Variants in LAMA4 observed in about 807,000 individuals in gnomAD.
The protein encoded by LAMA4 is laminin subunit alpha-4.
In LAMA4, 127 loss-of-function variants were observed where a neutral mutation model predicts 207.1. The ratio of observed to expected loss-of-function variants is 0.61; its 90% CI spans 0.53 to 0.71. The LOEUF (loss-of-function observed/expected upper bound fraction) is 0.71, where lower values mean the gene tolerates loss of function less well. Among genes scored for constraint, LAMA4 ranks in the 30% least tolerant of loss-of-function variants. LAMA4 has a pLI of 0.00. For synonymous variants in LAMA4, 761 were observed against 816.0 expected, an observed-to-expected ratio of 0.93 and a Z score of 1.15; for missense variants, 2,093 against 2,246.5, an observed-to-expected ratio of 0.93 and a Z score of 1.38.
At chr6:112,242,161 T>C (rs1583996656) in intron 2 of LAMA4, among the ~76,000 whole-genome samples, 1 of 152,098 alleles carries the variant, frequency 6.6e-6, no homozygotes, top group Non-Finnish European at 1.5e-5. Flanking sequence ...TAGGTGGGAG[T>C]AAAAAAACCT....
At chr6:112,123,307 G>A (rs1778486676) in intron 31 of LAMA4, among the ~76,000 whole-genome samples, 1 of 152,192 alleles carries the variant, frequency 6.6e-6, no homozygotes, top group Non-Finnish European at 1.5e-5. Context: ...CAGACAAGAT[G>A]AGAGAGAGGA....
chr6:112,145,011 T>C (rs1554334207), intron 18 of LAMA4, 78 bp from the exon 19 acceptor site: 13 of 1,271,018 alleles, frequency 1.0e-5, no homozygotes, highest in Non-Finnish European at 2.2e-6. Context: ...ACAATAAACA[T>C]GGATTACATA....
intron 16 of LAMA4, among the ~76,000 whole-genome samples, chr6:112,154,290 A>G (rs1554336357): frequency 6.6e-6 from 1 of 151,428 alleles, no homozygotes; most frequent in Non-Finnish European, 1.5e-5. Flanking sequence ...TGGCCTTTGG[A>G]AATGCTTCTT....
intron 2 of LAMA4, among the ~76,000 whole-genome samples, chr6:112,224,820 A>G (rs1391808984): frequency 6.6e-6 from 1 of 150,952 alleles, no homozygotes; most frequent in Non-Finnish European, 1.5e-5. Flanking sequence ...TCTCAAAAAA[A>G]AAAAAAAAAA....
In LAMA4 at chr6:112,168,489, GT is replaced by G. The variant is rs1473346645; in HGVS notation, c.1552-3214del. Reference sequence around the variant, plus strand: ...GCCTCCCAAGTAGCTGGTATTACAGGTGCCCACCACCATGCCCAGCTAATTT... The same window carrying G: ...GCCTCCCAAGTAGCTGGTATTACAGGGCCCACCACCATGCCCAGCTAATTT... On this transcript the variant is annotated intron_variant, in intron 12 of 38. Coordinates refer to ENST00000230538, the MANE Select transcript of LAMA4 (RefSeq NM_001105206.3). 3.3e-5 allele frequency among the ~76,000 whole-genome samples: 5 copies of G among 151,854 alleles called. No homozygotes were observed. In the East Asian group the frequency reaches 9.9e-4, roughly 30 times the overall value.
chr6:112,212,096 G>T (rs1554356848), intron 3 of LAMA4, among the ~76,000 whole-genome samples: 2 of 152,122 alleles, frequency 1.3e-5, no homozygotes, highest in Non-Finnish European at 2.9e-5. Context: ...GGTCGATGGA[G>T]CATGGGGGAC....
intron 4 of LAMA4, among the ~76,000 whole-genome samples, chr6:112,202,220 T>C (rs781883512): frequency 6.6e-6 from 1 of 152,166 alleles, no homozygotes; most frequent in Non-Finnish European, 1.5e-5. Context: ...CAGCAAAACA[T>C]AGGACCCACC....
At chr6:112,186,445 A>T (rs1444975402) in intron 8 of LAMA4, among the ~76,000 whole-genome samples, 5 of 152,214 alleles carry the variant, frequency 3.3e-5, no homozygotes, top group Admixed American at 2.0e-4. Context: ...TTATTATTTT[A>T]AAAATATCCT....
rs1294072021 is a variant in LAMA4 at position 112,108,934 on chromosome 6, T to C, written c.*503A>G. 2 of 161,918 alleles carry C rather than the reference T, an allele frequency of 1.2e-5. No homozygotes were observed. The highest frequency in any genetic ancestry group is 3.5e-4 in the East Asian group (2 of 5,726). 10.0% of individuals were successfully genotyped at this position (161,918 alleles called of 1,614,324 possible). Reference sequence around the variant, plus strand: ...CAGCTATAAACCTAAAATATTCTTCTTATACTGATAGACCAAACAAAAGGG... The same window carrying C: ...CAGCTATAAACCTAAAATATTCTTCCTATACTGATAGACCAAACAAAAGGG... On this transcript the variant is annotated 3_prime_UTR_variant, in exon 39 of 39. Coordinates refer to ENST00000230538, the MANE Select transcript of LAMA4 (RefSeq NM_001105206.3).
intron 2 of LAMA4, among the ~76,000 whole-genome samples, chr6:112,244,618 GC>G (rs1307237972): frequency 6.6e-5 from 10 of 152,130 alleles, no homozygotes; most frequent in African/African-American, 2.4e-4. Flanking sequence ...GGCCTCCCAG[GC>G]TGAACTCCAA....
chr6:112,187,238 G>A, intron 8 of LAMA4: 1 of 675,718 alleles, frequency 1.5e-6, no homozygotes, highest in Non-Finnish European at 2.7e-6. Flanking sequence ...TTTGTAGACA[G>A]TAGTTCTTGT....
In LAMA4 at chr6:112,247,604, C is replaced by T. The variant is rs1208571818; in HGVS notation, c.195+6352G>A. On this transcript the variant is annotated intron_variant, in intron 2 of 38. Coordinates refer to ENST00000230538, the MANE Select transcript of LAMA4 (RefSeq NM_001105206.3). ...GAGGGATTCTTCCATTTCCTGTTAT[C>T]GAGGCCCACCACTCACAGGATGCGT... Among the ~76,000 whole-genome samples, 5 of 152,284 alleles carry T rather than the reference C, an allele frequency of 3.3e-5. 1 individual carries two copies. The highest frequency in any genetic ancestry group is 3.9e-4 in the East Asian group (2 of 5,186).
chr6:112,172,925 G>A, intron 11 of LAMA4, 121 bp from the exon 12 acceptor site: 1 of 748,868 alleles, frequency 1.3e-6, no homozygotes, highest in Non-Finnish European at 2.3e-6. Flanking sequence ...GGAGATTGAA[G>A]CTATTGTTCA....
intron 12 of LAMA4, among the ~76,000 whole-genome samples, chr6:112,167,258 C>T (rs781879411): frequency 3.3e-5 from 5 of 152,078 alleles, no homozygotes; most frequent in Non-Finnish European, 5.9e-5. Flanking sequence ...AAATTTGGGC[C>T]GGGTGTGGTG....
chr6:112,175,268 G>A, intron 11 of LAMA4, 45 bp downstream of exon 11: 1 of 1,594,858 alleles, frequency 6.3e-7, no homozygotes, highest in Non-Finnish European at 8.6e-7. Context: ...GACCCACAAA[G>A]AGGGCAAACA....
At chr6:112,202,395 C>T (rs543783863) in intron 4 of LAMA4, among the ~76,000 whole-genome samples, 3 of 151,764 alleles carry the variant, frequency 2.0e-5, no homozygotes, top group Non-Finnish European at 2.9e-5. Context: ...ATGGTCTCCA[C>T]GTGTTTGGAA....
intron 14 of LAMA4, among the ~76,000 whole-genome samples, chr6:112,156,130 G>T (rs960150453): frequency 6.6e-6 from 1 of 152,066 alleles, no homozygotes; most frequent in Non-Finnish European, 1.5e-5. Context: ...GCCAGGGCAC[G>T]TATTGTCAAG....
At chr6:112,216,104 G>T (rs1057427655) in intron 3 of LAMA4, among the ~76,000 whole-genome samples, 4 of 152,192 alleles carry the variant, frequency 2.6e-5, no homozygotes, top group Non-Finnish European at 2.9e-5. Flanking sequence ...ACCGCCATTG[G>T]TCTACAGCAG....
At position 112,132,928 on chromosome 6, in the gene LAMA4, A is replaced by G. The variant is rs782415268; in HGVS notation, c.3697-38T>C. On this transcript the variant is annotated intron_variant, in intron 27 of 38. Transcript: ENST00000230538. ...ACAAGTGGAGATAGTGTTTTTGAGA[A>G]TTATCAAATGCTTAAAACTATCAAT... The G allele has an allele frequency of 1.9e-6, 3 of 1,602,504 alleles. No individual in the cohort carries two copies. The African/African-American group carries it at 4.0e-5, about 21-fold the overall frequency.
Sources: gnomAD v4.1 joint callset for allele counts (sites outside exome capture counted in the v4.1 genomes callset) on GRCh38, gnomAD v4.1.1 for gene constraint, MANE v1.5 for transcripts, NCBI Gene and HGNC (gene_info 2026-07-23, HGNC 2026-07-21) for gene names.